Variants in NCAM1 observed in about 807,000 individuals in gnomAD.
NCAM1 encodes the protein antigen recognized by monoclonal antibody 5.1H11.
Under a neutral mutation model 109.8 loss-of-function variants are expected in NCAM1, and 14 were observed. The observed-to-expected ratio is 0.13, with a 90% CI of 0.08 to 0.20. The LOEUF (loss-of-function observed/expected upper bound fraction) is 0.20. Ranked by LOEUF, NCAM1 falls within the 10% of genes least tolerant of loss-of-function variation. The probability of loss-of-function intolerance (pLI) is 1.00; values close to 1 mark genes in which losing one functional copy is unlikely to be tolerated. For synonymous variants in NCAM1, 418 were observed against 442.9 expected, an observed-to-expected ratio of 0.94 and a Z score of 0.70; for missense variants, 774 against 1,109.9, an observed-to-expected ratio of 0.70 and a Z score of 4.30.
chr11:113,039,922 T>C (rs1002864281), intron 1 of NCAM1, among the ~76,000 whole-genome samples: 5 of 152,100 alleles, frequency 3.3e-5, no homozygotes, highest in Non-Finnish European at 1.5e-5. Context: ...AGGCAGATCA[T>C]CTGAGGTCAG....
intron 1 of NCAM1, among the ~76,000 whole-genome samples, chr11:113,031,209 C>T (rs1952702574): frequency 6.6e-6 from 1 of 152,102 alleles, no homozygotes. Context: ...AACTCATGGC[C>T]GTCAGCATGA....
At chr11:113,007,600 T>C (rs997715201) in intron 1 of NCAM1, among the ~76,000 whole-genome samples, 1 of 152,328 alleles carries the variant, frequency 6.6e-6, no homozygotes, top group South Asian at 2.1e-4. Flanking sequence ...GAAAACGAGA[T>C]GGCTTCTTTT....
chr11:113,124,265 C>T (rs1335550755), intron 1 of NCAM1, among the ~76,000 whole-genome samples: 1 of 152,184 alleles, frequency 6.6e-6, no homozygotes, highest in Non-Finnish European at 1.5e-5. Flanking sequence ...CAGGACTATT[C>T]TACCATCTCC....
intron 8 of NCAM1, among the ~76,000 whole-genome samples, chr11:113,216,516 T>C (rs550271628): frequency 5.9e-5 from 9 of 152,346 alleles, no homozygotes; most frequent in African/African-American, 2.2e-4. Context: ...TTGCTAAATA[T>C]GGAGACAGGT....
intron 1 of NCAM1, among the ~76,000 whole-genome samples, chr11:113,049,054 C>T (rs1953371090): frequency 6.6e-6 from 1 of 152,174 alleles, no homozygotes; most frequent in South Asian, 2.1e-4. Flanking sequence ...ATCTCACTGT[C>T]AGACCTGCTT....
At chr11:113,062,809 A>G (rs1439343711) in intron 1 of NCAM1, among the ~76,000 whole-genome samples, 1 of 152,078 alleles carries the variant, frequency 6.6e-6, no homozygotes, top group Admixed American at 6.6e-5. Context: ...TTACCAAAAA[A>G]AATTAAAAAT....
At chr11:113,204,066 T>A (rs1944158748) in intron 2 of NCAM1, among the ~76,000 whole-genome samples, 1 of 152,214 alleles carries the variant, frequency 6.6e-6, no homozygotes. Flanking sequence ...TGTTGAGTTC[T>A]TTCCAAATAT....
chr11:113,243,538 T>C (rs556478246), intron 14 of NCAM1: 14 of 518,292 alleles, frequency 2.7e-5, no homozygotes, highest in African/African-American at 7.7e-5. Flanking sequence ...TTGTATCCTC[T>C]TTTTTCATCG....
intron 1 of NCAM1, among the ~76,000 whole-genome samples, chr11:113,153,922 ATTGT>A (rs1465973959): frequency 2.0e-5 from 3 of 152,188 alleles, no homozygotes; most frequent in African/African-American, 4.8e-5. Flanking sequence ...ACCTTAAGGC[ATTGT>A]TTGTTTATTT....
At chr11:113,205,856 C>T (rs1006494776) in intron 4 of NCAM1, among the ~76,000 whole-genome samples, 187 bp from the exon 5 acceptor site, 4 of 152,126 alleles carry the variant, frequency 2.6e-5, no homozygotes, top group African/African-American at 4.8e-5. Context: ...CTCTCCAGTA[C>T]GAAAGACAAA....
chr11:113,149,477 A>T (rs1370960125), intron 1 of NCAM1, among the ~76,000 whole-genome samples: 3 of 152,310 alleles, frequency 2.0e-5, no homozygotes, highest in Middle Eastern at 6.8e-3. Context: ...AAATGGAAGA[A>T]ATAAGATGAA....
chr11:113,018,020 T>A (rs1048955000), intron 1 of NCAM1, among the ~76,000 whole-genome samples: 4 of 152,336 alleles, frequency 2.6e-5, no homozygotes, highest in Admixed American at 6.5e-5. Context: ...GTTCCAACTG[T>A]AGTTGGAGTA....
chr11:113,034,844 G>A (rs1952818370), intron 1 of NCAM1, among the ~76,000 whole-genome samples: 1 of 152,178 alleles, frequency 6.6e-6, no homozygotes, highest in South Asian at 2.1e-4. Context: ...TGCCATTTGT[G>A]ATGAGAAATT....
intron 1 of NCAM1, among the ~76,000 whole-genome samples, chr11:113,148,360 C>CG (rs1942096384): frequency 7.1e-6 from 1 of 141,358 alleles, no homozygotes; most frequent in Non-Finnish European, 1.5e-5. Context: ...GTTTGCGGAG[C>CG]TTTTTTTTTT....
chr11:113,009,312 G>GTTTTTTTGTTGTTGTTT lies in NCAM1; in HGVS notation c.52+47655_52+47656insGTTGTTGTTTTTTTTTT. On this transcript the variant is annotated intron_variant, in intron 1 of 19. Coordinates refer to ENST00000316851, the MANE Select transcript of NCAM1 (RefSeq NM_181351.5). ...GATTTAATTGGAAGGGTTTTTTCGGGTTTTTTTTTTTTTTTTTTTTTTTTT... is the reference window on the plus strand; with the variant it reads ...GATTTAATTGGAAGGGTTTTTTCGGGTTTTTTTGTTGTTGTTTTTTTTTTTTTTTTTTTTTTTTTTTT... 4.2e-3 allele frequency among the ~76,000 whole-genome samples: 333 copies of GTTTTTTTGTTGTTGTTT among 79,654 alleles called. 10 individuals are homozygous for GTTTTTTTGTTGTTGTTT. Among genetic ancestry groups the GTTTTTTTGTTGTTGTTT allele is most frequent in the East Asian group, 0.011 (22 of 1,920 alleles). 52.3% of individuals were successfully genotyped at this position (79,654 alleles called of 152,430 possible).
At chr11:113,002,273 A>G (rs1398293550) in intron 1 of NCAM1, among the ~76,000 whole-genome samples, 6 of 152,200 alleles carry the variant, frequency 3.9e-5, no homozygotes, top group African/African-American at 1.4e-4. Flanking sequence ...AAAGGAGTGA[A>G]GGAAGCAACG....
chr11:113,040,617 C>T (rs1196629420), intron 1 of NCAM1, among the ~76,000 whole-genome samples: 1 of 152,270 alleles, frequency 6.6e-6, no homozygotes, highest in Non-Finnish European at 1.5e-5. Flanking sequence ...ACATTGCTCT[C>T]TCATAGAAAT....
At chr11:113,092,819 A>G (rs1221488929) in intron 1 of NCAM1, among the ~76,000 whole-genome samples, 1 of 152,320 alleles carries the variant, frequency 6.6e-6, no homozygotes, top group East Asian at 1.9e-4. Context: ...TGTAACTGTC[A>G]CTAAAGAATA....
At chr11:113,093,527 C>T (rs1165739211) in intron 1 of NCAM1, among the ~76,000 whole-genome samples, 2 of 152,140 alleles carry the variant, frequency 1.3e-5, no homozygotes, top group African/African-American at 4.8e-5. Flanking sequence ...TTCCACAACC[C>T]CTTTAAGGTT....
Sources: allele counts gnomAD v4.1 joint callset (sites outside exome capture counted in the v4.1 genomes callset), GRCh38; gene constraint gnomAD v4.1.1; transcripts MANE v1.5; gene names NCBI Gene and HGNC (gene_info 2026-07-23, HGNC 2026-07-21).